RERG: variants seen among roughly 807,000 people sequenced by gnomAD.
RERG encodes ras-related and estrogen-regulated growth inhibitor.
A neutral mutation model predicts 23.2 loss-of-function variants in RERG; 25 were observed. The ratio of observed to expected loss-of-function variants is 1.08; its 90% CI spans 0.79 to 1.50. The LOEUF (loss-of-function observed/expected upper bound fraction) is 1.50. Ranked by LOEUF, RERG falls within the 40% of genes most tolerant of loss-of-function variation. The pLI is 0.00. For missense variants in RERG, 253 were observed against 250.1 expected, an observed-to-expected ratio of 1.01 and a Z score of -0.08; for synonymous variants, 81 against 89.1, an observed-to-expected ratio of 0.91 and a Z score of 0.51.
At chr12:15,161,050 G>C (rs1864597168) in intron 2 of RERG, among the ~76,000 whole-genome samples, 1 of 151,792 alleles carries the variant, frequency 6.6e-6, no homozygotes, top group African/African-American at 2.4e-5. Context: ...CATGAGAATT[G>C]CTTGAACCCA....
At chr12:15,127,009 C>T (rs945290201) in intron 2 of RERG, among the ~76,000 whole-genome samples, 30 of 152,072 alleles carry the variant, frequency 2.0e-4, no homozygotes, top group Non-Finnish European at 1.5e-4. Flanking sequence ...TGAGCCACCG[C>T]GCCCGGCCCA....
At chr12:15,175,801 C>T (rs1279342627) in intron 2 of RERG, among the ~76,000 whole-genome samples, 1 of 152,122 alleles carries the variant, frequency 6.6e-6, no homozygotes, top group East Asian at 1.9e-4. Context: ...AGTGACAGTG[C>T]TCTGCAGATA....
At chr12:15,175,621 A>C (rs1864840449) in intron 2 of RERG, among the ~76,000 whole-genome samples, 1 of 151,956 alleles carries the variant, frequency 6.6e-6, no homozygotes, top group Non-Finnish European at 1.5e-5. Context: ...CTACGTTTTA[A>C]GTTTCTGGCC....
At chr12:15,148,397 T>C (rs1864369335) in intron 2 of RERG, among the ~76,000 whole-genome samples, 2 of 151,738 alleles carry the variant, frequency 1.3e-5, no homozygotes, top group South Asian at 4.2e-4. Context: ...AAGGTAGAAA[T>C]GCGGGGGGGA....
At chr12:15,167,367 G>A (rs549980925) in intron 2 of RERG, among the ~76,000 whole-genome samples, 49 of 152,282 alleles carry the variant, frequency 3.2e-4, no homozygotes, top group African/African-American at 9.4e-4. Context: ...TGCCTCTTCT[G>A]GAGAAGTGGT....
intron 2 of RERG, among the ~76,000 whole-genome samples, chr12:15,126,165 A>G (rs1863938627): frequency 6.9e-6 from 1 of 145,828 alleles, no homozygotes; most frequent in African/African-American, 2.5e-5. Context: ...ATTTACACAC[A>G]TACATTTTTA....
intron 3 of RERG, among the ~76,000 whole-genome samples, chr12:15,117,672 C>CGCGTGT (rs71842160): frequency 1.2e-4 from 5 of 41,560 alleles, no homozygotes; most frequent in Non-Finnish European, 2.2e-4. Context: ...CCATCACACA[C>CGCGTGT]GCGCACACAC....
chr12:15,219,386 C>T (rs1487712031), intron 1 of RERG, among the ~76,000 whole-genome samples: 2 of 152,174 alleles, frequency 1.3e-5, no homozygotes, highest in African/African-American at 2.4e-5. Flanking sequence ...TTCAAAGTGC[C>T]AGAGCTTCCT....
intron 2 of RERG, among the ~76,000 whole-genome samples, chr12:15,191,617 C>T (rs946829747): frequency 6.6e-6 from 1 of 152,176 alleles, no homozygotes; most frequent in Admixed American, 6.6e-5. Context: ...ACTCCATGAT[C>T]CAGCCAAGTT....
chr12:15,211,121 C>G (rs991694116), intron 2 of RERG, among the ~76,000 whole-genome samples: 2 of 152,024 alleles, frequency 1.3e-5, no homozygotes, highest in East Asian at 3.9e-4. Context: ...CATAATCTGC[C>G]CCTCTTCTTA....
intron 2 of RERG, among the ~76,000 whole-genome samples, chr12:15,174,496 G>GTGTATA (rs1269595859): frequency 2.0e-5 from 3 of 150,254 alleles, no homozygotes; most frequent in Admixed American, 1.3e-4. Flanking sequence ...GTGTGTGTGT[G>GTGTATA]TATATATATA....
At chr12:15,180,154 G>A (rs976878307) in intron 2 of RERG, among the ~76,000 whole-genome samples, 4 of 152,094 alleles carry the variant, frequency 2.6e-5, no homozygotes, top group African/African-American at 9.7e-5. Context: ...ATATAATAGT[G>A]TCTTTTTAAA....
At chr12:15,197,312 C>A (rs1304356707) in intron 2 of RERG, among the ~76,000 whole-genome samples, 1 of 152,120 alleles carries the variant, frequency 6.6e-6, no homozygotes, top group Non-Finnish European at 1.5e-5. Context: ...TCTCATAAAT[C>A]ATAAACAATT....
At chr12:15,114,086 C>G (rs921442057) in intron 3 of RERG, among the ~76,000 whole-genome samples, 1 of 151,774 alleles carries the variant, frequency 6.6e-6, no homozygotes, top group South Asian at 2.1e-4. Flanking sequence ...GAATTGGCCA[C>G]TAAATGCACA....
At chr12:15,124,977 T>C (rs935556959) in intron 2 of RERG, among the ~76,000 whole-genome samples, 1 of 151,958 alleles carries the variant, frequency 6.6e-6, no homozygotes, top group African/African-American at 2.4e-5. Flanking sequence ...TGATATTTAA[T>C]ATATACTCTA....
At chr12:15,209,911 C>T (rs538246963) in intron 2 of RERG, among the ~76,000 whole-genome samples, 12 of 152,302 alleles carry the variant, frequency 7.9e-5, no homozygotes, top group Non-Finnish European at 1.5e-4. Context: ...GGATCTCTCT[C>T]TCACATGTAT....
At chr12:15,133,188 T>C (rs758539852) in intron 2 of RERG, among the ~76,000 whole-genome samples, 4 of 147,662 alleles carry the variant, frequency 2.7e-5, no homozygotes, top group African/African-American at 1.0e-4. Context: ...CATGTAACTA[T>C]TATAGTATCA....
At chr12:15,133,692 C>A (rs967008000) in intron 2 of RERG, among the ~76,000 whole-genome samples, 1 of 151,422 alleles carries the variant, frequency 6.6e-6, no homozygotes, top group Non-Finnish European at 1.5e-5. Context: ...AGTAGCTACA[C>A]CACTTTTGAT....
chr12:15,129,007 G>T (rs1348964700), intron 2 of RERG, among the ~76,000 whole-genome samples: 1 of 152,110 alleles, frequency 6.6e-6, no homozygotes, highest in East Asian at 1.9e-4. Flanking sequence ...TGACCGTTCT[G>T]GTCTCCTCCA....
Sources: allele counts gnomAD v4.1 joint callset (sites outside exome capture counted in the v4.1 genomes callset), GRCh38; gene constraint gnomAD v4.1.1; transcripts MANE v1.5; gene names NCBI Gene and HGNC (gene_info 2026-07-23, HGNC 2026-07-21).